The following DLGAP1 variants were observed in gnomAD, a reference collection of about 807,000 sequenced individuals.
DLGAP1 encodes disks large-associated protein 1.
Under a neutral mutation model 90.8 loss-of-function variants are expected in DLGAP1, and 11 were observed. That is an observed-to-expected ratio of 0.12 (90% CI 0.08 to 0.20). The LOEUF (loss-of-function observed/expected upper bound fraction) is 0.20, where lower values mean the gene tolerates loss of function less well. Ranked by LOEUF, DLGAP1 falls within the 10% of genes least tolerant of loss-of-function variation. The probability of loss-of-function intolerance (pLI) is 1.00; values close to 1 mark genes in which losing one functional copy is unlikely to be tolerated. For synonymous variants in DLGAP1, 558 were observed against 540.7 expected, an observed-to-expected ratio of 1.03 and a Z score of -0.44; for missense variants, 1,050 against 1,333.8, an observed-to-expected ratio of 0.79 and a Z score of 3.31.
intron 1 of DLGAP1, among the ~76,000 whole-genome samples, chr18:4,220,220 T>C (rs992562996): frequency 1.3e-5 from 2 of 152,164 alleles, no homozygotes; most frequent in Non-Finnish European, 2.9e-5. Context: ...GTATTTTGTA[T>C]GCTGTTTTGA....
At chr18:4,004,134 T>C (rs967073296) in intron 3 of DLGAP1, among the ~76,000 whole-genome samples, 15 of 152,190 alleles carry the variant, frequency 9.9e-5, no homozygotes, top group African/African-American at 3.1e-4. Flanking sequence ...AATGTTGTCG[T>C]TTTGACTTCA....
At chr18:3,842,564 G>A (rs1398416779) in intron 4 of DLGAP1, among the ~76,000 whole-genome samples, 1 of 151,788 alleles carries the variant, frequency 6.6e-6, no homozygotes, top group Non-Finnish European at 1.5e-5. Context: ...GCGAGAAGTG[G>A]ACAGAAATAA....
chr18:3,583,171 T>G (rs1390249151), intron 7 of DLGAP1, among the ~76,000 whole-genome samples: 108 of 140,628 alleles, frequency 7.7e-4, no homozygotes, highest in South Asian at 3.7e-3. Flanking sequence ...CCTACCTACC[T>G]ACCTACCTAC....
intron 3 of DLGAP1, among the ~76,000 whole-genome samples, chr18:3,933,783 A>G (rs1394020956): frequency 5.9e-5 from 9 of 152,176 alleles, no homozygotes; most frequent in Non-Finnish European, 1.0e-4. Context: ...GAATGCAGGG[A>G]TAGAGGAAGA....
At chr18:3,601,179 C>T (rs1027144864) in intron 7 of DLGAP1, among the ~76,000 whole-genome samples, 16 of 151,766 alleles carry the variant, frequency 1.1e-4, no homozygotes, top group Non-Finnish European at 2.4e-4. Flanking sequence ...CTCCACTTCC[C>T]GGGCTAAAGC....
At chr18:4,435,356 T>C (rs1281880283) in intron 1 of DLGAP1, among the ~76,000 whole-genome samples, 1 of 152,064 alleles carries the variant, frequency 6.6e-6, no homozygotes, top group African/African-American at 2.4e-5. Flanking sequence ...ATGATGTATA[T>C]GAAACAGAAA....
intron 2 of DLGAP1, among the ~76,000 whole-genome samples, chr18:4,098,640 G>A (rs896702704): frequency 1.3e-5 from 2 of 152,168 alleles, no homozygotes; most frequent in African/African-American, 2.4e-5. Context: ...TGAGAAAACC[G>A]CCAATAGAAA....
At chr18:3,506,626 G>A (rs1371123404) in intron 11 of DLGAP1, among the ~76,000 whole-genome samples, 2 of 146,098 alleles carry the variant, frequency 1.4e-5, no homozygotes, top group African/African-American at 5.0e-5. Flanking sequence ...TATGTACAAT[G>A]TTTACACTCT....
chr18:4,351,598 T>G (rs538912359), intron 1 of DLGAP1, among the ~76,000 whole-genome samples: 158 of 152,282 alleles, frequency 1.0e-3, no homozygotes, highest in African/African-American at 3.7e-3. Context: ...GAAAATAGAC[T>G]GCAAAAAATC....
chr18:4,109,363 GA>G (rs2075930365), intron 2 of DLGAP1, among the ~76,000 whole-genome samples: 2 of 152,080 alleles, frequency 1.3e-5, no homozygotes, highest in Admixed American at 1.3e-4. Context: ...CTCATCTTCA[GA>G]GGTTCCACCC....
intron 3 of DLGAP1, among the ~76,000 whole-genome samples, chr18:3,934,187 A>G (rs572111290): frequency 1.2e-4 from 19 of 152,306 alleles, no homozygotes; most frequent in African/African-American, 4.3e-4. Context: ...TTCTTCATTC[A>G]TTTTAATTAG....
At chr18:3,957,046 C>G (rs1464968743) in intron 3 of DLGAP1, among the ~76,000 whole-genome samples, 1 of 152,148 alleles carries the variant, frequency 6.6e-6, no homozygotes, top group Non-Finnish European at 1.5e-5. Context: ...ATCCCCAGGA[C>G]CTGTGAATAT....
chr18:4,207,494 G>C (rs1049637850), intron 1 of DLGAP1, among the ~76,000 whole-genome samples: 2 of 152,182 alleles, frequency 1.3e-5, no homozygotes, highest in Non-Finnish European at 2.9e-5. Context: ...AATGCAGACC[G>C]CAAAGAAGAT....
At chr18:4,314,676 G>A (rs1389966966) in intron 1 of DLGAP1, among the ~76,000 whole-genome samples, 2 of 152,182 alleles carry the variant, frequency 1.3e-5, no homozygotes, top group African/African-American at 4.8e-5. Context: ...GCCTAAAGGA[G>A]TCACACAATA....
rs185459224 is a variant in DLGAP1 at position 3,533,278 on chromosome 18, C to A, written c.2479+916G>T. 5.8e-4 allele frequency among the ~76,000 whole-genome samples: 89 copies of A among 152,172 alleles called. 1 individual carries two copies. The highest frequency in any genetic ancestry group is 1.3e-3 in the Admixed American group (20 of 15,270). ...AAAAAAGAAAGAAAAGAATAGTGTG[C>A]GAAAAAGAGTGTCCATTATTTATTT... On this transcript the variant is annotated intron_variant, in intron 10 of 12. Transcript: ENST00000315677.
chr18:3,952,672 T>C (rs2073011296), intron 3 of DLGAP1, among the ~76,000 whole-genome samples: 1 of 152,236 alleles, frequency 6.6e-6, no homozygotes, highest in South Asian at 2.1e-4. Context: ...TAACTGAACA[T>C]ATACTCATTG....
chr18:3,639,582 C>T (rs1035326150), intron 7 of DLGAP1, among the ~76,000 whole-genome samples: 3 of 151,798 alleles, frequency 2.0e-5, no homozygotes, highest in Non-Finnish European at 4.4e-5. Flanking sequence ...GGAATCACAG[C>T]CCATTGGCTT....
chr18:3,905,728 T>A (rs901498943), intron 3 of DLGAP1, among the ~76,000 whole-genome samples: 3 of 152,206 alleles, frequency 2.0e-5, no homozygotes, highest in Non-Finnish European at 2.9e-5. Context: ...AATAGCCATG[T>A]CAGAAGATCC....
At chr18:3,613,982 G>T (rs2057743773) in intron 7 of DLGAP1, among the ~76,000 whole-genome samples, 2 of 152,000 alleles carry the variant, frequency 1.3e-5, no homozygotes, top group South Asian at 4.1e-4. Context: ...GAGTGAAGTG[G>T]CGCGATCTCA....
Sources: allele counts gnomAD v4.1 joint callset (sites outside exome capture counted in the v4.1 genomes callset), GRCh38; gene constraint gnomAD v4.1.1; transcripts MANE v1.5; gene names NCBI Gene and HGNC (gene_info 2026-07-23, HGNC 2026-07-21).